Variants in EFHB observed in about 807,000 individuals in gnomAD.
EFHB encodes the protein EF-hand domain family member B.
In EFHB, 91 loss-of-function variants were observed where a neutral mutation model predicts 87.2. That is an observed-to-expected ratio of 1.04 (90% CI 0.88 to 1.24). The LOEUF is 1.24. EFHB is among the 50% of genes most tolerant of loss of function. The pLI, the probability that EFHB is intolerant of heterozygous loss-of-function variation, is 0.00. For missense variants in EFHB, 1,084 were observed against 998.8 expected (o/e 1.09, Z -1.15); for synonymous variants, 325 against 333.6 (o/e 0.97, Z 0.28).
At chr3:19,904,496 AC>A (rs893309054) in intron 6 of EFHB, among the ~76,000 whole-genome samples, 1 of 152,084 alleles carries the variant, frequency 6.6e-6, no homozygotes, top group Non-Finnish European at 1.5e-5. Flanking sequence ...ATGCCACCAC[AC>A]CCAGCCCATT....
chr3:19,905,544 T>C (rs187844318), intron 6 of EFHB, 76 bp downstream of exon 6: 46 of 1,475,178 alleles, frequency 3.1e-5, no homozygotes, highest in Middle Eastern at 2.0e-4. Context: ...CTTCAAAAAA[T>C]AAAGTTTAAA....
At chr3:19,939,370 CTTTTTTTTTTTTTT>C (rs147510880) in intron 1 of EFHB, among the ~76,000 whole-genome samples, 12 of 64,590 alleles carry the variant, frequency 1.9e-4, no homozygotes, top group Admixed American at 4.7e-4. Context: ...GTTGGGTCTC[CTTTTTTTTTTTTTT>C]TTTTTTTTTT....
chr3:19,897,608 A>G (rs1173367857), intron 8 of EFHB, among the ~76,000 whole-genome samples: 1 of 152,148 alleles, frequency 6.6e-6, no homozygotes, highest in East Asian at 1.9e-4. Context: ...AAGATGTCCT[A>G]TGTGCTGGAC....
chr3:19,892,678 T>TG (rs1559449008), intron 9 of EFHB, among the ~76,000 whole-genome samples: 2 of 152,076 alleles, frequency 1.3e-5, no homozygotes, highest in Admixed American at 1.3e-4. Flanking sequence ...AACCACTTGG[T>TG]TGAGTATACT....
chr3:19,929,498 G>A (rs547275878), intron 1 of EFHB, among the ~76,000 whole-genome samples: 1 of 152,046 alleles, frequency 6.6e-6, no homozygotes, highest in Non-Finnish European at 1.5e-5. Flanking sequence ...GAGGTCAGGA[G>A]TTCAAGACCA....
intron 1 of EFHB, among the ~76,000 whole-genome samples, chr3:19,939,603 C>T (rs565246125): frequency 7.9e-5 from 12 of 151,992 alleles, no homozygotes; most frequent in African/African-American, 2.7e-4. Context: ...CCAGGATGGT[C>T]TCTATCTCCT....
In EFHB at chr3:19,933,706, A is replaced by T. The variant is rs754072851; in HGVS notation, c.313T>A (p.Leu105Met). ...TTTTCTAACCCCATTCTTCCTGGCA[A>T]CAGAGAAGGTTTTGTTCCCTGTGAA... is the stretch of plus-strand genomic sequence containing the variant. ...SASQGTKPSL[L>M]PGRMGLENES... Residue 105 changes from leucine to methionine, a missense_variant, in exon 1 of 13, where the codon TTG becomes ATG. Coordinates refer to ENST00000295824, the MANE Select transcript of EFHB (RefSeq NM_144715.4). The T allele has an allele frequency of 6.2e-7, 1 of 1,613,976 alleles. No individual in the cohort carries two copies.
intron 4 of EFHB, among the ~76,000 whole-genome samples, chr3:19,915,624 ACT>A (rs1695202349): frequency 6.6e-6 from 1 of 151,854 alleles, no homozygotes; most frequent in Non-Finnish European, 1.5e-5. Context: ...GCATATTAGA[ACT>A]CTATTATCAC....
At chr3:19,922,060 G>A (rs1482291196) in intron 1 of EFHB, among the ~76,000 whole-genome samples, 2 of 152,276 alleles carry the variant, frequency 1.3e-5, no homozygotes, top group African/African-American at 2.4e-5. Flanking sequence ...AGCTACTCGG[G>A]AAGCTGAGGC....
upstream of EFHB, chr3:19,936,012 A>AAAC (rs1255114102): frequency 3.0e-5 from 28 of 925,892 alleles, no homozygotes; most frequent in African/African-American, 4.4e-4. Context: ...CCATCTCAAA[A>AAAC]AAAAAAAAAA....
At chr3:19,910,845 C>G (rs1004549493) in intron 5 of EFHB, among the ~76,000 whole-genome samples, 3 of 152,228 alleles carry the variant, frequency 2.0e-5, no homozygotes, top group African/African-American at 7.2e-5. Flanking sequence ...TTGTCCAAGT[C>G]CATCAAGGCA....
intron 1 of EFHB, among the ~76,000 whole-genome samples, chr3:19,925,322 A>G (rs1287564769): frequency 6.6e-6 from 1 of 152,030 alleles, no homozygotes; most frequent in South Asian, 2.1e-4. Flanking sequence ...TATTGATCCT[A>G]TAATATTCTG....
At chr3:19,896,983 A>G in intron 8 of EFHB, 142 bp from the exon 9 acceptor site, 1 of 718,080 alleles carries the variant, frequency 1.4e-6, no homozygotes, top group Non-Finnish European at 2.2e-6. Context: ...GCATGTCAGA[A>G]AATCCTTATG....
intron 1 of EFHB, chr3:19,946,017 G>C (rs1696269638): frequency 6.6e-6 from 1 of 152,188 alleles, no homozygotes; most frequent in South Asian, 2.1e-4. Flanking sequence ...GGCTGGGGAG[G>C]GGGTGGTGGC....
At position 19,882,589 on chromosome 3, in the gene EFHB, C is replaced by A; in HGVS notation, c.2289G>T (p.Val763=). Residue 763 remains valine (V), a synonymous_variant, in exon 12 of 13, where the codon GTG becomes GTT. Coordinates refer to ENST00000295824, the MANE Select transcript of EFHB (RefSeq NM_144715.4). ...LYPTIFARKG[V]FERDFFKTRS... is the part of the protein sequence containing the mutation. ...TGGTCTTGAAGAAGTCTCTTTCAAA[C>A]ACTCCTTTCCGGGCAAAAATGGTAG... 6.2e-7 allele frequency: 1 copy of A among 1,611,198 alleles called. No homozygotes were observed.
chr3:19,906,392 AG>A (rs1459495345), intron 5 of EFHB, among the ~76,000 whole-genome samples: 1 of 152,164 alleles, frequency 6.6e-6, no homozygotes, highest in Admixed American at 6.6e-5. Context: ...AACACATAAA[AG>A]TCCATGGCAT....
chr3:19,881,814 T>C lies in EFHB; in HGVS notation c.2328+736A>G, dbSNP rs540823466. Among the ~76,000 whole-genome samples the C allele has an allele frequency of 1.3e-4, 20 of 152,240 alleles. No individual in the cohort carries two copies. The East Asian group carries it at 3.9e-3, about 29-fold the overall frequency. On this transcript the variant is annotated intron_variant, in intron 12 of 12. Coordinates refer to ENST00000295824, the MANE Select transcript of EFHB (RefSeq NM_144715.4). The stretch of plus-strand genomic sequence containing the variant: ...TTTCTAGCTCCAGCTATGAAGGTTC[T>C]GAAGAAGCAAGTACTCCCTGAATTA...
chr3:19,920,784 C>T (rs1695412524), intron 1 of EFHB, among the ~76,000 whole-genome samples: 1 of 152,118 alleles, frequency 6.6e-6, no homozygotes, highest in East Asian at 1.9e-4. Context: ...AAATTGTAAG[C>T]ATATATTTTT....
chr3:19,937,604 C>T (rs1027662679), upstream of EFHB, among the ~76,000 whole-genome samples: 1 of 152,128 alleles, frequency 6.6e-6, no homozygotes, highest in Admixed American at 6.5e-5. Flanking sequence ...ACTGAAACAT[C>T]TTTATGTCTA....
Sources: gnomAD v4.1 joint callset for allele counts (sites outside exome capture counted in the v4.1 genomes callset) on GRCh38, gnomAD v4.1.1 for gene constraint, MANE v1.5 for transcripts, NCBI Gene and HGNC (gene_info 2026-07-23, HGNC 2026-07-21) for gene names.